Variants in TMEM50B observed in about 807,000 individuals in gnomAD.
The protein encoded by TMEM50B is transmembrane protein 50B.
A neutral mutation model predicts 23.4 loss-of-function variants in TMEM50B; 14 were observed. The ratio of observed to expected loss-of-function variants is 0.60; its 90% CI spans 0.39 to 0.93. TMEM50B has a LOEUF of 0.93. Among genes scored for constraint, TMEM50B ranks in the 40% least tolerant of loss-of-function variants. The pLI is 0.00. For synonymous variants in TMEM50B, 64 were observed against 62.3 expected (o/e 1.03, Z -0.13); for missense variants, 159 against 193.0 (o/e 0.82, Z 1.04).
chr21:33,475,692 C>T (rs1173438694), intron 1 of TMEM50B, among the ~76,000 whole-genome samples: 3 of 151,792 alleles, frequency 2.0e-5, no homozygotes, highest in Non-Finnish European at 4.4e-5. Context: ...CGGTGGCTTA[C>T]TCCTGTAATC....
chr21:33,455,681 A>C, intron 6 of TMEM50B, 46 bp downstream of exon 6: 1 of 1,487,350 alleles, frequency 6.7e-7, no homozygotes, highest in Non-Finnish European at 9.4e-7. Flanking sequence ...TTAAGTTGAC[A>C]TTTCTGTAAA....
chr21:33,457,031 G>A (rs907490761), intron 5 of TMEM50B, among the ~76,000 whole-genome samples: 4 of 152,168 alleles, frequency 2.6e-5, no homozygotes, highest in Non-Finnish European at 4.4e-5. Context: ...GAGGCGGGTA[G>A]ATCACTTGAG....
chr21:33,462,274 A>AT (rs1196200537), intron 4 of TMEM50B, among the ~76,000 whole-genome samples: 45 of 152,220 alleles, frequency 3.0e-4, no homozygotes, highest in Non-Finnish European at 3.4e-4. Flanking sequence ...GGGCATGACT[A>AT]TAAGACAGTT....
At chr21:33,444,549 A>G (rs1377394066), downstream of TMEM50B, among the ~76,000 whole-genome samples, 1 of 151,802 alleles carries the variant, frequency 6.6e-6, no homozygotes, top group Non-Finnish European at 1.5e-5. Flanking sequence ...TGTCTCAAAA[A>G]AAAAAAAGGT....
chr21:33,460,147 G>A (rs2084204265), intron 5 of TMEM50B, among the ~76,000 whole-genome samples: 1 of 152,158 alleles, frequency 6.6e-6, no homozygotes, highest in African/African-American at 2.4e-5. Flanking sequence ...AATCCTGGCT[G>A]TCTAAGGTAA....
chr21:33,436,673 G>A (rs1264792314), intron 8 of TMEM50B, among the ~76,000 whole-genome samples: 2 of 150,290 alleles, frequency 1.3e-5, no homozygotes, highest in African/African-American at 2.5e-5. Flanking sequence ...AGTGAGCTGA[G>A]ATCACACCAC....
At chr21:33,478,434 T>C (rs1275488001) in intron 1 of TMEM50B, among the ~76,000 whole-genome samples, 3 of 152,088 alleles carry the variant, frequency 2.0e-5, no homozygotes, top group Non-Finnish European at 4.4e-5. Context: ...GCCACTGTAC[T>C]TGTAGCCTGG....
At chr21:33,454,997 G>A (rs372748915) in intron 6 of TMEM50B, among the ~76,000 whole-genome samples, 51 of 152,050 alleles carry the variant, frequency 3.4e-4, no homozygotes, top group African/African-American at 1.2e-3. Flanking sequence ...TGCACCTGTA[G>A]TCCCACCTAC....
At chr21:33,463,912 C>T (rs956706570) in intron 4 of TMEM50B, among the ~76,000 whole-genome samples, 2 of 151,754 alleles carry the variant, frequency 1.3e-5, no homozygotes, top group South Asian at 2.1e-4. Context: ...AGTGAGACTC[C>T]GTCTCAAAAA....
rs200176364 is a variant in TMEM50B at position 33,450,808 on chromosome 21, A to G, written c.*10T>C. On this transcript the variant is annotated 3_prime_UTR_variant, in exon 7 of 7. Coordinates refer to ENST00000542230, the MANE Select transcript of TMEM50B (RefSeq NM_006134.7). ...TATAACAAAAGGAAAATGTGACTTA[A>G]GAAGTGATCTCAGGTCCATAGCTCT... is the stretch of plus-strand genomic sequence containing the variant. The G allele has an allele frequency of 6.2e-7, 1 of 1,610,962 alleles. No homozygotes were observed. Among genetic ancestry groups the G allele is most frequent in the Non-Finnish European group, 8.5e-7 (1 of 1,178,418 alleles).
At chr21:33,473,994 G>A (rs977583410) in intron 1 of TMEM50B, among the ~76,000 whole-genome samples, 3 of 152,000 alleles carry the variant, frequency 2.0e-5, no homozygotes, top group Admixed American at 6.6e-5. Flanking sequence ...GACATAAAGC[G>A]GATTAGTGGC....
chr21:33,439,529 G>A (rs563603841), intron 7 of TMEM50B, among the ~76,000 whole-genome samples: 11 of 151,666 alleles, frequency 7.3e-5, no homozygotes, highest in Admixed American at 2.6e-4. Context: ...ACAGATGTGC[G>A]CCACCACACC....
chr21:33,442,459 A>T (rs1287139566), intron 7 of TMEM50B, among the ~76,000 whole-genome samples: 1 of 152,194 alleles, frequency 6.6e-6, no homozygotes, highest in East Asian at 1.9e-4. Flanking sequence ...CCAATGCTCT[A>T]GGAATGACAC....
At position 33,449,148 on chromosome 21, in the gene TMEM50B, GAAGT is replaced by G. The variant is rs1460948234; in HGVS notation, c.*1666_*1669del. The G allele has an allele frequency of 6.6e-6, 1 of 152,140 alleles. No homozygotes were observed. Among genetic ancestry groups the G allele is most frequent in the African/African-American group, 2.4e-5 (1 of 41,424 alleles). The allele number at this position is 152,140 out of a possible 1,614,324, so 9.4% of individuals were successfully genotyped here. ...CAAACAACAATATTAAACTGTATGA[GAAGT>G]AATATTTATTGCAACAGGTTATGAG... On this transcript the variant is annotated 3_prime_UTR_variant, in exon 7 of 7. Coordinates refer to ENST00000542230, the MANE Select transcript of TMEM50B (RefSeq NM_006134.7).
intron 2 of TMEM50B, chr21:33,468,514 G>A: frequency 2.7e-6 from 1 of 364,678 alleles, no homozygotes. Context: ...CATATATGTT[G>A]TATCAGTAAG....
Position 33,459,177 on chromosome 21 carries a change from C to T in TMEM50B, c.373+1236G>A, listed in dbSNP as rs549901441. 6.0e-4 allele frequency among the ~76,000 whole-genome samples: 91 copies of T among 152,262 alleles called. No homozygotes were observed. The Middle Eastern group carries it at 0.02, about 34-fold the overall frequency. On this transcript the variant is annotated intron_variant, in intron 5 of 6. Coordinates refer to ENST00000542230, the MANE Select transcript of TMEM50B (RefSeq NM_006134.7). ...CCAGTGAAACAGTCTTCCGACGCTT[C>T]CAGAGACATTTCTGAAACTGGGTTC... is the stretch of plus-strand genomic sequence containing the variant.
chr21:33,445,547 C>A (rs565057292), downstream of TMEM50B, among the ~76,000 whole-genome samples: 9 of 152,382 alleles, frequency 5.9e-5, no homozygotes, highest in Non-Finnish European at 1.0e-4. Flanking sequence ...TAATTCCCTG[C>A]ACTTTGGGAG....
At chr21:33,456,239 A>G in intron 5 of TMEM50B, 1 of 390,916 alleles carries the variant, frequency 2.6e-6, no homozygotes. Flanking sequence ...CCCAGACTGG[A>G]GTGCAGCAGC....
intron 5 of TMEM50B, among the ~76,000 whole-genome samples, chr21:33,456,637 G>A (rs932595024): frequency 2.6e-5 from 4 of 152,162 alleles, no homozygotes; most frequent in African/African-American, 9.7e-5. Flanking sequence ...ATGGTTAAGA[G>A]CTCCAAGTTT....
Sources: allele counts gnomAD v4.1 joint callset (sites outside exome capture counted in the v4.1 genomes callset), GRCh38; gene constraint gnomAD v4.1.1; transcripts MANE v1.5; gene names NCBI Gene and HGNC (gene_info 2026-07-23, HGNC 2026-07-21).